SLC9A9: variants seen among roughly 807,000 people sequenced by gnomAD.
The protein encoded by SLC9A9 is sodium/hydrogen exchanger 9.
SLC9A9 carries 62 observed loss-of-function variants against 77.8 expected under a neutral mutation model. That is an observed-to-expected ratio of 0.80 (90% CI 0.65 to 0.98). The LOEUF (loss-of-function observed/expected upper bound fraction) is 0.98. Among genes scored for constraint, SLC9A9 ranks in the 50% least tolerant of loss-of-function variants. SLC9A9 has a pLI of 0.00. For missense variants in SLC9A9, 775 were observed against 774.9 expected (o/e 1.00, Z 0.00); for synonymous variants, 320 against 283.5 (o/e 1.13, Z -1.29).
At chr3:143,829,408 T>C (rs551179882) in intron 2 of SLC9A9, among the ~76,000 whole-genome samples, 83 of 152,238 alleles carry the variant, frequency 5.5e-4, no homozygotes, top group African/African-American at 1.8e-3. Context: ...TACTGCAGTC[T>C]CACCTTCCAG....
chr3:143,655,621 T>C lies in SLC9A9; in HGVS notation c.650-3261A>G, dbSNP rs75471116. 8.5e-4 allele frequency: 838 copies of C among 984,810 alleles called. 6 individuals carry two copies. The African/African-American group carries it at 0.014, about 16-fold the overall frequency. The allele number at this position is 984,810 out of a possible 1,614,324, so 61.0% of individuals were successfully genotyped here. On this transcript the variant is annotated intron_variant, in intron 5 of 15. Transcript: ENST00000316549. ...AGAAAAATTCACTTTGTCTTTCAAA[T>C]TGATAATAAAAGATACAAGCACATA...
chr3:143,586,749 T>A (rs1258283035), intron 6 of SLC9A9, among the ~76,000 whole-genome samples: 9 of 152,210 alleles, frequency 5.9e-5, no homozygotes, highest in Admixed American at 5.9e-4. Flanking sequence ...CAAAGGCCAA[T>A]GAAGCTCTGT....
intron 4 of SLC9A9, among the ~76,000 whole-genome samples, chr3:143,762,745 A>C (rs1052083415): frequency 5.9e-5 from 9 of 152,168 alleles, no homozygotes; most frequent in African/African-American, 2.2e-4. Flanking sequence ...CTGAGGCCTG[A>C]AGAACAAGAG....
At chr3:143,439,511 G>A (rs969591947) in intron 12 of SLC9A9, among the ~76,000 whole-genome samples, 5 of 152,178 alleles carry the variant, frequency 3.3e-5, no homozygotes, top group African/African-American at 1.2e-4. Context: ...AGGGTAAGAA[G>A]AAGAAGTGGG....
rs527449800 is a variant in SLC9A9 at position 143,532,850 on chromosome 3, G to A, written c.1089+19512C>T. Among the ~76,000 whole-genome samples, 44 of 152,302 alleles carry A rather than the reference G, an allele frequency of 2.9e-4. 2 individuals are homozygous for A. In the South Asian group the frequency reaches 8.3e-3, roughly 29 times the overall value. On this transcript the variant is annotated intron_variant, in intron 9 of 15. Coordinates refer to ENST00000316549, the MANE Select transcript of SLC9A9 (RefSeq NM_173653.4). ...GACCCAGGATCTCCCCTGTGATGAG[G>A]CCTCTGCCTGCAATGCTCTCATTCT... is the stretch of plus-strand genomic sequence containing the variant.
intron 9 of SLC9A9, among the ~76,000 whole-genome samples, chr3:143,539,250 T>G (rs931101317): frequency 3.3e-5 from 5 of 152,196 alleles, no homozygotes; most frequent in Admixed American, 6.5e-5. Flanking sequence ...TGTTCTCACT[T>G]GTTAGATTTC....
chr3:143,625,400 C>T (rs1203835467), intron 6 of SLC9A9, among the ~76,000 whole-genome samples: 2 of 152,168 alleles, frequency 1.3e-5, no homozygotes, highest in Non-Finnish European at 2.9e-5. Flanking sequence ...CAACATGGTA[C>T]TGGTACCAAA....
chr3:143,841,057 A>T (rs927444947), intron 1 of SLC9A9, among the ~76,000 whole-genome samples: 10 of 152,226 alleles, frequency 6.6e-5, no homozygotes, highest in African/African-American at 2.2e-4. Context: ...CTAGGACTAC[A>T]TAAGCGATAG....
chr3:143,667,173 T>C (rs1408763617), intron 5 of SLC9A9, among the ~76,000 whole-genome samples: 1 of 151,992 alleles, frequency 6.6e-6, no homozygotes, highest in East Asian at 1.9e-4. Context: ...TCAGAAATAA[T>C]ACCACACATC....
At chr3:143,581,079 T>G (rs1376933171) in intron 6 of SLC9A9, among the ~76,000 whole-genome samples, 1 of 152,196 alleles carries the variant, frequency 6.6e-6, no homozygotes. Context: ...TGTGATTTTG[T>G]GAGAAATACA....
At chr3:143,562,877 CA>C (rs1237076642) in intron 8 of SLC9A9, among the ~76,000 whole-genome samples, 1 of 151,528 alleles carries the variant, frequency 6.6e-6, no homozygotes, top group Non-Finnish European at 1.5e-5. Context: ...GGGTCATGCT[CA>C]AAAATATCTA....
intron 2 of SLC9A9, among the ~76,000 whole-genome samples, chr3:143,797,440 G>A (rs2008416699): frequency 6.6e-6 from 1 of 152,164 alleles, no homozygotes; most frequent in Non-Finnish European, 1.5e-5. Flanking sequence ...GAAGTGCAGT[G>A]AAATTGTCAG....
chr3:143,783,127 T>A (rs2007936219), intron 4 of SLC9A9, among the ~76,000 whole-genome samples: 1 of 152,168 alleles, frequency 6.6e-6, no homozygotes, highest in Non-Finnish European at 1.5e-5. Flanking sequence ...GCATATCCTC[T>A]GTTTAGCATC....
At chr3:143,351,078 A>G (rs1358834791) in intron 14 of SLC9A9, among the ~76,000 whole-genome samples, 1 of 152,214 alleles carries the variant, frequency 6.6e-6, no homozygotes, top group African/African-American at 2.4e-5. Context: ...ACCAGCAATG[A>G]TCAAGGTTTT....
chr3:143,772,630 A>T (rs1244212398), intron 4 of SLC9A9, among the ~76,000 whole-genome samples: 1 of 152,208 alleles, frequency 6.6e-6, no homozygotes, highest in African/African-American at 2.4e-5. Context: ...AAACACTCTT[A>T]GATAAATACC....
chr3:143,589,162 A>AT (rs1183314397), intron 6 of SLC9A9, among the ~76,000 whole-genome samples: 1 of 152,208 alleles, frequency 6.6e-6, no homozygotes, highest in Non-Finnish European at 1.5e-5. Flanking sequence ...ATTCATTTCT[A>AT]TGAAGCATTC....
At chr3:143,815,590 G>A (rs1361758189) in intron 2 of SLC9A9, among the ~76,000 whole-genome samples, 1 of 152,020 alleles carries the variant, frequency 6.6e-6, no homozygotes, top group African/African-American at 2.4e-5. Context: ...TATCCGCCGG[G>A]CGCAGTGGCT....
At chr3:143,753,763 A>G (rs1480728980) in intron 4 of SLC9A9, among the ~76,000 whole-genome samples, 3 of 152,224 alleles carry the variant, frequency 2.0e-5, no homozygotes, top group Non-Finnish European at 4.4e-5. Context: ...GATCACATGC[A>G]TTACCAGTGC....
chr3:143,424,841 A>C (rs12493862), intron 12 of SLC9A9, among the ~76,000 whole-genome samples: 95,745 of 152,020 alleles, frequency 0.63, 30,497 homozygotes, highest in African/African-American at 0.72. Flanking sequence ...GCTATATGAA[A>C]CTAGGCCTAC....
Sources: gnomAD v4.1 joint callset for allele counts (sites outside exome capture counted in the v4.1 genomes callset) on GRCh38, gnomAD v4.1.1 for gene constraint, MANE v1.5 for transcripts, NCBI Gene and HGNC (gene_info 2026-07-23, HGNC 2026-07-21) for gene names.